The following HIPK3 variants were observed in gnomAD, a reference collection of about 807,000 sequenced individuals.
HIPK3 encodes homeodomain interacting protein kinase 3, also known as homeodomain-interacting protein kinase 3.
In HIPK3, 47 loss-of-function variants were observed where a neutral mutation model predicts 124.2. The ratio of observed to expected loss-of-function variants is 0.38; its 90% CI spans 0.30 to 0.48. HIPK3 has a LOEUF of 0.48. Ranked by LOEUF, HIPK3 falls within the 20% of genes least tolerant of loss-of-function variation. HIPK3 has a pLI of 0.98. For synonymous variants in HIPK3, 482 were observed against 515.2 expected, an observed-to-expected ratio of 0.94 and a Z score of 0.87; for missense variants, 1,286 against 1,454.3, an observed-to-expected ratio of 0.88 and a Z score of 1.88.
intron 2 of HIPK3, among the ~76,000 whole-genome samples, chr11:33,319,032 G>T (rs1341673048): frequency 3.3e-5 from 5 of 152,194 alleles, no homozygotes; most frequent in African/African-American, 1.2e-4. Context: ...GTTATCTGTT[G>T]CTGTGTGACA....
intron 2 of HIPK3, among the ~76,000 whole-genome samples, chr11:33,326,460 A>T (rs1044604564): frequency 2.6e-5 from 4 of 152,160 alleles, no homozygotes; most frequent in African/African-American, 9.7e-5. Context: ...AGTAATGAGG[A>T]TCCATAGCTC....
intron 4 of HIPK3, among the ~76,000 whole-genome samples, chr11:33,338,308 A>T (rs561557152): frequency 6.6e-6 from 1 of 152,204 alleles, no homozygotes; most frequent in African/African-American, 2.4e-5. Flanking sequence ...ATCTTGGTTC[A>T]CTGCAACCTC....
At chr11:33,331,043 C>T (rs1852965386) in intron 3 of HIPK3, among the ~76,000 whole-genome samples, 1 of 152,026 alleles carries the variant, frequency 6.6e-6, no homozygotes, top group South Asian at 2.1e-4. Flanking sequence ...GCCACCATGC[C>T]TGGCTAATTT....
chr11:33,349,377 GT>G, intron 14 of HIPK3, 90 bp downstream of exon 14: 1 of 1,002,414 alleles, frequency 1.0e-6, no homozygotes, highest in Non-Finnish European at 1.4e-6. Flanking sequence ...GTACCTGCCA[GT>G]TTACCACAGT....
chr11:33,311,837 T>TACACACACAC (rs370396153), intron 2 of HIPK3, among the ~76,000 whole-genome samples: 21,947 of 104,158 alleles, frequency 0.21, 3,350 homozygotes, highest in Middle Eastern at 0.34. Context: ...ACCCTGTTTC[T>TACACACACAC]ACACACACAC....
chr11:33,276,223 TTAACTC>T (rs1851265297), intron 1 of HIPK3, among the ~76,000 whole-genome samples: 1 of 151,930 alleles, frequency 6.6e-6, no homozygotes, highest in Admixed American at 6.5e-5. Flanking sequence ...GCATGTCCCT[TTAACTC>T]TAACTAATTG....
rs1409784429 is a variant in HIPK3 at position 33,356,526 on chromosome 11, C to T, written c.*2958C>T. ...TTTAGTTGTTTTTTTTTTCCTCCAG[C>T]GTGTTTAATTAAATATGTTACTGTA... On this transcript the variant is annotated 3_prime_UTR_variant, in exon 17 of 17. Transcript: ENST00000303296. 12 of 151,328 alleles carry T rather than the reference C, an allele frequency of 7.9e-5. No individual in the cohort carries two copies. The highest frequency in any genetic ancestry group is 2.7e-4 in the African/African-American group (11 of 41,288). 9.4% of individuals were successfully genotyped at this position (151,328 alleles called of 1,614,324 possible). A position where few individuals can be genotyped will look rare whatever the true frequency, so the allele number is the denominator to read the frequency against.
intron 2 of HIPK3, among the ~76,000 whole-genome samples, chr11:33,308,251 T>C (rs1188766261): frequency 3.9e-5 from 6 of 152,206 alleles, no homozygotes; most frequent in Admixed American, 3.9e-4. Context: ...TTGGACTCTT[T>C]ATTCATCATT....
chr11:33,275,884 C>T (rs1433871532), intron 1 of HIPK3, among the ~76,000 whole-genome samples: 4 of 152,324 alleles, frequency 2.6e-5, no homozygotes, highest in Non-Finnish European at 5.9e-5. Context: ...CCTAGGGACT[C>T]TTCATATGCC....
Position 33,328,649 on chromosome 11 carries a change from A to C in HIPK3, c.1221+16A>C. The C allele has an allele frequency of 6.2e-7, 1 of 1,610,122 alleles. No homozygotes were observed. The highest frequency in any genetic ancestry group is 1.7e-5 in the Admixed American group (1 of 59,884). On this transcript the variant is annotated intron_variant, in intron 3 of 16. Transcript: ENST00000303296. Reference sequence around the variant, plus strand: ...GTATGATCAGGTAACAAATAATGATAATCTAATAGAATTGGTAAAAAGTAA... The same window carrying C: ...GTATGATCAGGTAACAAATAATGATCATCTAATAGAATTGGTAAAAAGTAA...
At chr11:33,317,903 T>C (rs1282630916) in intron 2 of HIPK3, among the ~76,000 whole-genome samples, 1 of 152,216 alleles carries the variant, frequency 6.6e-6, no homozygotes, top group Admixed American at 6.5e-5. Context: ...TAACTGCCTC[T>C]GTAAAAAGAT....
At chr11:33,258,340 G>C (rs1485035795) in intron 1 of HIPK3, 6 of 985,444 alleles carry the variant, frequency 6.1e-6, no homozygotes, top group Non-Finnish European at 7.2e-6. Flanking sequence ...TTTCATTAAG[G>C]GGAACAAACA....
In HIPK3 at chr11:33,355,805, T is replaced by G. The variant is rs1446271444; in HGVS notation, c.*2237T>G. 1 of 151,008 alleles carries G rather than the reference T, an allele frequency of 6.6e-6. No individual in the cohort carries two copies. Among genetic ancestry groups the G allele is most frequent in the Non-Finnish European group, 1.5e-5 (1 of 67,496 alleles). The allele number at this position is 151,008 out of a possible 1,614,324, so 9.4% of individuals were successfully genotyped here. On this transcript the variant is annotated 3_prime_UTR_variant, in exon 17 of 17. Transcript: ENST00000303296. ...CACAAGTTTCAGTGTTTTTAGTAAT[T>G]AATTCTATGCATTTTATACAAATAG...
rs1175093914 is a variant in HIPK3 at position 33,283,574 on chromosome 11, C to T, written c.-2-2839C>T. Reference sequence around the variant, plus strand: ...GGAAGCTATAGGAGGTATAAATTTGCACCTTTTATCTGAAAGGTGGTACGT... The same window carrying T: ...GGAAGCTATAGGAGGTATAAATTTGTACCTTTTATCTGAAAGGTGGTACGT... On this transcript the variant is annotated intron_variant, in intron 1 of 16. Transcript: ENST00000303296. 2.0e-5 allele frequency among the ~76,000 whole-genome samples: 3 copies of T among 152,098 alleles called. 1 individual carries two copies. In the East Asian group the frequency reaches 5.8e-4, roughly 29 times the overall value.
At chr11:33,277,640 T>G (rs1016091060) in intron 1 of HIPK3, among the ~76,000 whole-genome samples, 2 of 152,226 alleles carry the variant, frequency 1.3e-5, no homozygotes, top group Non-Finnish European at 2.9e-5. Context: ...GCAGTGAACA[T>G]TAATTTACCT....
chr11:33,353,743 A>G lies in HIPK3; in HGVS notation c.*175A>G. On this transcript the variant is annotated 3_prime_UTR_variant, in exon 17 of 17. Coordinates refer to ENST00000303296, the MANE Select transcript of HIPK3 (RefSeq NM_005734.5). ...TTTTGATGTGTTTTGCACATTTGGT[A>G]TAACTTGTCTTTGGTCATGTTATCT... 1.7e-6 allele frequency: 1 copy of G among 576,988 alleles called. No individual in the cohort carries two copies. Among genetic ancestry groups the G allele is most frequent in the Non-Finnish European group, 3.1e-6 (1 of 324,672 alleles). 35.7% of individuals were successfully genotyped at this position (576,988 alleles called of 1,614,324 possible).
intron 8 of HIPK3, among the ~76,000 whole-genome samples, chr11:33,345,376 C>T (rs1853462335): frequency 6.6e-6 from 1 of 151,948 alleles, no homozygotes; most frequent in Non-Finnish European, 1.5e-5. Context: ...TCTTGTCTTC[C>T]AAGTATTAAA....
intron 1 of HIPK3, among the ~76,000 whole-genome samples, chr11:33,268,231 C>CA (rs1851025534): frequency 6.6e-6 from 1 of 151,956 alleles, no homozygotes. Context: ...AGCAAACAAA[C>CA]AAAAAACAGT....
chr11:33,310,881 C>A (rs748298933), intron 2 of HIPK3, among the ~76,000 whole-genome samples: 1 of 152,146 alleles, frequency 6.6e-6, no homozygotes, highest in Non-Finnish European at 1.5e-5. Flanking sequence ...CGGTCTGTTT[C>A]AGTTTGTCTT....
Sources: allele counts gnomAD v4.1 joint callset (sites outside exome capture counted in the v4.1 genomes callset), GRCh38; gene constraint gnomAD v4.1.1; transcripts MANE v1.5; gene names NCBI Gene and HGNC (gene_info 2026-07-23, HGNC 2026-07-21).